The following LGR4 variants were observed in gnomAD, a reference collection of about 807,000 sequenced individuals.
The protein encoded by LGR4 is leucine rich repeat containing G protein-coupled receptor 4, also known as leucine-rich repeat-containing G protein-coupled receptor 4.
In LGR4, 44 loss-of-function variants were observed where a neutral mutation model predicts 84.8. The ratio of observed to expected loss-of-function variants is 0.52; its 90% CI spans 0.41 to 0.67. LGR4 has a LOEUF of 0.67. LGR4 is among the 30% of genes least tolerant of loss of function. The probability of loss-of-function intolerance (pLI) is 0.00; values close to 1 mark genes in which losing one functional copy is unlikely to be tolerated. For missense variants in LGR4, 1,032 were observed against 1,131.4 expected (o/e 0.91, Z 1.26); for synonymous variants, 429 against 434.3 (o/e 0.99, Z 0.15).
chr11:27,412,115 G>A (rs777067006), intron 2 of LGR4, among the ~76,000 whole-genome samples: 14 of 151,838 alleles, frequency 9.2e-5, no homozygotes, highest in African/African-American at 3.4e-4. Context: ...TTTAAAACCC[G>A]AAAGTGCCTA....
intron 6 of LGR4, among the ~76,000 whole-genome samples, chr11:27,383,202 A>G (rs1344695409): frequency 1.3e-5 from 2 of 152,304 alleles, no homozygotes; most frequent in Middle Eastern, 3.4e-3. Flanking sequence ...TTCTTTTAAC[A>G]TAAAGAGCAC....
At chr11:27,404,018 GC>G (rs1415667303) in intron 2 of LGR4, among the ~76,000 whole-genome samples, 9 of 152,090 alleles carry the variant, frequency 5.9e-5, no homozygotes, top group Non-Finnish European at 8.8e-5. Flanking sequence ...AATAAGCATG[GC>G]TTGACTAAGA....
Position 27,392,382 on chromosome 11 carries a change from G to A in LGR4, c.329+65C>T, listed in dbSNP as rs375111254. ...GAAACTGTGCTTAACCTAGTTCCAA[G>A]CATGTTGACTACGCAGAAAGAAAAT... On this transcript the variant is annotated intron_variant, in intron 3 of 17. Transcript: ENST00000379214. 14 of 1,260,228 alleles carry A rather than the reference G, an allele frequency of 1.1e-5. No homozygotes were observed. In the African/African-American group the frequency reaches 1.7e-4, roughly 15 times the overall value. 78.1% of individuals were successfully genotyped at this position (1,260,228 alleles called of 1,614,324 possible).
At chr11:27,459,067 T>C (rs1864626686) in intron 1 of LGR4, among the ~76,000 whole-genome samples, 1 of 152,158 alleles carries the variant, frequency 6.6e-6, no homozygotes, top group Non-Finnish European at 1.5e-5. Context: ...ACAAAAGGAA[T>C]CAGTTTTATG....
intron 2 of LGR4, 83 bp downstream of exon 2, chr11:27,412,684 TATCAGAATGTCTAACAGAAAAC>T (rs1165746133): frequency 1.8e-5 from 14 of 771,188 alleles, no homozygotes; most frequent in African/African-American, 1.2e-4. Context: ...GAAATTAAGC[TATCAGAATGTCTAACAGAAAAC>T]ATCAGACTTT....
chr11:27,453,738 T>C (rs572632512), intron 1 of LGR4, among the ~76,000 whole-genome samples: 9 of 152,336 alleles, frequency 5.9e-5, no homozygotes, highest in Non-Finnish European at 8.8e-5. Flanking sequence ...TCTGACTTAT[T>C]ATCTCAGTAA....
At chr11:27,444,105 TAGC>T (rs1233322962) in intron 1 of LGR4, among the ~76,000 whole-genome samples, 1 of 145,980 alleles carries the variant, frequency 6.9e-6, no homozygotes, top group Non-Finnish European at 1.5e-5. Context: ...AAAAAAAAAA[TAGC>T]AGGGATTTTC....
intron 1 of LGR4, among the ~76,000 whole-genome samples, chr11:27,452,150 G>A (rs1430570977): frequency 6.6e-6 from 1 of 152,186 alleles, no homozygotes; most frequent in Admixed American, 6.5e-5. Flanking sequence ...ACCTCAGGCT[G>A]TCATCTTACC....
intron 1 of LGR4, among the ~76,000 whole-genome samples, chr11:27,427,080 T>G (rs1270980694): frequency 6.6e-6 from 1 of 152,164 alleles, no homozygotes; most frequent in Non-Finnish European, 1.5e-5. Context: ...AGTCTCTTCT[T>G]GCTTATTAAT....
chr11:27,399,575 A>G (rs1590362666), intron 2 of LGR4, among the ~76,000 whole-genome samples: 1 of 150,766 alleles, frequency 6.6e-6, no homozygotes. Flanking sequence ...GCTGGAGTGC[A>G]GTGGCGTGAT....
At chr11:27,435,924 T>A (rs1864199429) in intron 1 of LGR4, among the ~76,000 whole-genome samples, 1 of 151,874 alleles carries the variant, frequency 6.6e-6, no homozygotes, top group Admixed American at 6.6e-5. Context: ...TCTTTTTTTT[T>A]TTTTGAGACG....
intron 14 of LGR4, 24 bp from the exon 15 acceptor site, chr11:27,373,700 G>T (rs1384591156): frequency 6.5e-7 from 1 of 1,540,164 alleles, no homozygotes; most frequent in Non-Finnish European, 8.8e-7. Flanking sequence ...GAGACTTCAA[G>T]TTAATGCCCA....
chr11:27,380,692 G>A lies in LGR4; in HGVS notation c.850C>T (p.Leu284=). ...LRTIHLYDNP[L]SFVGNSAFHN... ...AATGCTGAGTTCCCCACAAAAGACA[G>A]AGGATTATCATACAAATGTCTGTGA... is the stretch of plus-strand genomic sequence containing the variant. The change falls in exon 9 of 18, where the codon CTG becomes TTG. Residue 284 remains leucine (L), a synonymous_variant. Coordinates refer to ENST00000379214, the MANE Select transcript of LGR4 (RefSeq NM_018490.5). The A allele has an allele frequency of 6.2e-7, 1 of 1,601,908 alleles. No individual in the cohort carries two copies. Among genetic ancestry groups the A allele is most frequent in the Non-Finnish European group, 8.5e-7 (1 of 1,170,436 alleles).
At chr11:27,423,321 C>G (rs765010813) in intron 1 of LGR4, among the ~76,000 whole-genome samples, 3 of 152,170 alleles carry the variant, frequency 2.0e-5, no homozygotes, top group Non-Finnish European at 4.4e-5. Context: ...AGCTGCCAAC[C>G]GTCAGAGCCT....
intron 2 of LGR4, among the ~76,000 whole-genome samples, chr11:27,393,837 A>G (rs564896790): frequency 6.9e-6 from 1 of 145,232 alleles, no homozygotes; most frequent in East Asian, 2.0e-4. Flanking sequence ...TAGATGCATT[A>G]TTTTCTCTTG....
At chr11:27,471,247 C>A (rs369848183) in intron 1 of LGR4, among the ~76,000 whole-genome samples, 12 of 152,316 alleles carry the variant, frequency 7.9e-5, no homozygotes, top group African/African-American at 2.9e-4. Flanking sequence ...TGAAACATTT[C>A]AGTGTGTCTC....
At chr11:27,455,202 A>C (rs939472004) in intron 1 of LGR4, among the ~76,000 whole-genome samples, 6 of 152,058 alleles carry the variant, frequency 3.9e-5, no homozygotes, top group Admixed American at 1.3e-4. Context: ...ACGCCAGGCT[A>C]ATTTATTTTT....
intron 17 of LGR4, 49 bp downstream of exon 17, chr11:27,371,566 C>T (rs1818926200): frequency 7.8e-7 from 1 of 1,279,202 alleles, no homozygotes; most frequent in Non-Finnish European, 1.1e-6. Context: ...ATATATTTGC[C>T]TAATGTTTGT....
chr11:27,376,945 C>T (rs532347461), intron 12 of LGR4, among the ~76,000 whole-genome samples: 3 of 152,110 alleles, frequency 2.0e-5, no homozygotes, highest in Non-Finnish European at 2.9e-5. Flanking sequence ...AACTCCCCCC[C>T]GCATAGCGTT....
Sources: allele counts gnomAD v4.1 joint callset (sites outside exome capture counted in the v4.1 genomes callset), GRCh38; gene constraint gnomAD v4.1.1; transcripts MANE v1.5; gene names NCBI Gene and HGNC (gene_info 2026-07-23, HGNC 2026-07-21).